The following TMTC2 variants were observed in gnomAD, a reference collection of about 807,000 sequenced individuals.
TMTC2 encodes protein O-mannosyl-transferase TMTC2.
A neutral mutation model predicts 82.4 loss-of-function variants in TMTC2; 43 were observed. The ratio of observed to expected loss-of-function variants is 0.52; its 90% CI spans 0.41 to 0.67. The LOEUF (loss-of-function observed/expected upper bound fraction) is 0.67. Among genes scored for constraint, TMTC2 ranks in the 30% least tolerant of loss-of-function variants. The pLI, the probability that TMTC2 is intolerant of heterozygous loss-of-function variation, is 0.00. For synonymous variants in TMTC2, 408 were observed against 381.9 expected (o/e 1.07, Z -0.80); for missense variants, 919 against 1,012.4 (o/e 0.91, Z 1.25).
intron 1 of TMTC2, among the ~76,000 whole-genome samples, chr12:82,811,807 CTTTTTTTTTTT>C (rs1171596880): frequency 1.2e-4 from 11 of 91,086 alleles, no homozygotes; most frequent in African/African-American, 2.7e-4. Flanking sequence ...TGCTCTCCTT[CTTTTTTTTTTT>C]TTTTTTTTTT....
intron 4 of TMTC2, among the ~76,000 whole-genome samples, chr12:82,937,769 TATATATATATATATATATATATATATA>T (rs1565818336): frequency 6.9e-4 from 15 of 21,744 alleles, no homozygotes; most frequent in Non-Finnish European, 1.5e-3. Flanking sequence ...TATATATATA[TATATATATATATATATATATATATATA>T]CACACATATA....
intron 4 of TMTC2, among the ~76,000 whole-genome samples, chr12:82,942,090 A>T (rs1876754009): frequency 6.6e-6 from 1 of 152,188 alleles, no homozygotes; most frequent in Non-Finnish European, 1.5e-5. Flanking sequence ...GTAAAGGATT[A>T]AGTTCTCTTT....
rs764657985 is a variant in TMTC2 at position 82,896,030 on chromosome 12, C to T, written c.867C>T (p.Thr289=). Residue 289 remains threonine, a synonymous_variant, in exon 3 of 12, where the codon ACC becomes ACT. Coordinates refer to ENST00000321196, the MANE Select transcript of TMTC2 (RefSeq NM_152588.3). ...TCTGGCTGTTGCTATGTCCAGATACCCTCAGTTTTGATTGGTCAATGGATG... is the reference window on the plus strand; with the variant it reads ...TCTGGCTGTTGCTATGTCCAGATACTCTCAGTTTTGATTGGTCAATGGATG... ...KNLWLLLCPD[T]LSFDWSMDAV... 1.8e-5 allele frequency: 29 copies of T among 1,613,912 alleles called. No homozygotes were observed. Among genetic ancestry groups the T allele is most frequent in the Non-Finnish European group, 2.5e-5 (29 of 1,180,008 alleles).
intron 11 of TMTC2, among the ~76,000 whole-genome samples, chr12:83,095,302 G>A (rs183188980): frequency 2.7e-5 from 4 of 150,840 alleles, no homozygotes; most frequent in African/African-American, 7.3e-5. Flanking sequence ...GTGCAGTGGC[G>A]TGATCTCGGC....
intron 1 of TMTC2, among the ~76,000 whole-genome samples, chr12:82,695,569 A>G (rs901489026): frequency 1.2e-4 from 18 of 152,232 alleles, no homozygotes; most frequent in African/African-American, 4.3e-4. Flanking sequence ...TTGTTCCACA[A>G]TGAAAGCATG....
chr12:82,687,507 G>T lies in TMTC2; in HGVS notation c.-80G>T. On this transcript the variant is annotated 5_prime_UTR_variant, in exon 1 of 12. Coordinates refer to ENST00000321196, the MANE Select transcript of TMTC2 (RefSeq NM_152588.3). Reference sequence around the variant, plus strand: ...AGCTGGGAGGAGAAGGCGGCGGAAGGTGGAGATTGATGCTTCTGTTTTTTG... The same window carrying T: ...AGCTGGGAGGAGAAGGCGGCGGAAGTTGGAGATTGATGCTTCTGTTTTTTG... 5.8e-6 allele frequency: 8 copies of T among 1,367,652 alleles called. No individual in the cohort carries two copies. Among genetic ancestry groups the T allele is most frequent in the Non-Finnish European group, 8.2e-6 (8 of 980,842 alleles). 84.7% of individuals were successfully genotyped at this position (1,367,652 alleles called of 1,614,324 possible).
chr12:82,945,187 T>C (rs1318058492), intron 4 of TMTC2, among the ~76,000 whole-genome samples: 1 of 152,178 alleles, frequency 6.6e-6, no homozygotes, highest in Non-Finnish European at 1.5e-5. Context: ...CTTTTAGAAA[T>C]TGGAGCCTGG....
rs539790613 is a variant in TMTC2 at position 82,886,351 on chromosome 12, T to A, written c.655-9467T>A. ...CATTGAAGGAATAAATACAAAAAAA[T>A]TTAAGTAAAATTCAGGAAAATATCT... On this transcript the variant is annotated intron_variant, in intron 2 of 11. Transcript: ENST00000321196. Among the ~76,000 whole-genome samples the A allele has an allele frequency of 3.3e-5, 5 of 152,290 alleles. No homozygotes were observed. The East Asian group carries it at 7.7e-4, about 23-fold the overall frequency.
intron 9 of TMTC2, among the ~76,000 whole-genome samples, chr12:83,050,367 CTCTG>C (rs578213241): frequency 1.6e-3 from 237 of 152,252 alleles, no homozygotes; most frequent in African/African-American, 5.5e-3. Context: ...AGTTCTGTGA[CTCTG>C]TCTGCAGTAA....
chr12:83,065,622 T>G (rs547898062), intron 11 of TMTC2, among the ~76,000 whole-genome samples: 1 of 152,020 alleles, frequency 6.6e-6, no homozygotes, highest in East Asian at 1.9e-4. Flanking sequence ...CATTTTAAGT[T>G]TTTTTAGTTT....
intron 8 of TMTC2, among the ~76,000 whole-genome samples, chr12:83,005,217 AAAAAAAAG>A (rs1446721881): frequency 1.3e-5 from 1 of 74,468 alleles, no homozygotes; most frequent in Non-Finnish European, 3.4e-5. Context: ...AAAAAAAAAA[AAAAAAAAG>A]GGGAGAGAGA....
At chr12:82,877,292 A>T (rs1426437282) in intron 2 of TMTC2, among the ~76,000 whole-genome samples, 1 of 152,236 alleles carries the variant, frequency 6.6e-6, no homozygotes, top group Non-Finnish European at 1.5e-5. Context: ...ACAGATTTCT[A>T]TGCGATTATA....
chr12:83,115,647 A>AT (rs11316057), intron 11 of TMTC2, among the ~76,000 whole-genome samples: 604 of 150,460 alleles, frequency 4.0e-3, no homozygotes, highest in African/African-American at 0.013. Flanking sequence ...TTTTTTTATT[A>AT]TTTTTTTTTT....
chr12:83,005,714 G>A, intron 8 of TMTC2, among the ~76,000 whole-genome samples: 1 of 152,190 alleles, frequency 6.6e-6, no homozygotes, highest in Middle Eastern at 3.2e-3. Context: ...GTTTTGGCGG[G>A]GAATTGCCCC....
intron 1 of TMTC2, among the ~76,000 whole-genome samples, chr12:82,765,610 G>A (rs1319623276): frequency 6.6e-6 from 1 of 152,040 alleles, no homozygotes; most frequent in Non-Finnish European, 1.5e-5. Context: ...GAAGGCAGAG[G>A]TTGAGGTGAA....
chr12:82,972,125 T>C (rs1289792932), intron 7 of TMTC2, among the ~76,000 whole-genome samples: 2 of 152,196 alleles, frequency 1.3e-5, no homozygotes, highest in Non-Finnish European at 1.5e-5. Flanking sequence ...ATATTCATAA[T>C]TTCCTGTTCT....
chr12:82,817,720 A>T (rs1868832051), intron 1 of TMTC2, among the ~76,000 whole-genome samples: 1 of 152,098 alleles, frequency 6.6e-6, no homozygotes, highest in East Asian at 1.9e-4. Context: ...CACTTCATTT[A>T]CTCCATAATA....
intron 3 of TMTC2, among the ~76,000 whole-genome samples, chr12:82,901,447 G>A (rs1441347091): frequency 6.6e-6 from 1 of 151,062 alleles, no homozygotes; most frequent in Non-Finnish European, 1.5e-5. Flanking sequence ...TAGGACTACA[G>A]GCATGCACCA....
intron 1 of TMTC2, among the ~76,000 whole-genome samples, chr12:82,726,498 G>A (rs528697955): frequency 2.0e-5 from 3 of 152,202 alleles, no homozygotes; most frequent in African/African-American, 7.2e-5. Context: ...GATGCTGGTA[G>A]GAAGGTTATG....
Sources: allele counts gnomAD v4.1 joint callset (sites outside exome capture counted in the v4.1 genomes callset), GRCh38; gene constraint gnomAD v4.1.1; transcripts MANE v1.5; gene names NCBI Gene and HGNC (gene_info 2026-07-23, HGNC 2026-07-21).